The following CACNG4 variants were observed in gnomAD, a reference collection of about 807,000 sequenced individuals.
CACNG4 encodes the protein calcium voltage-gated channel auxiliary subunit gamma 4, also known as voltage-dependent calcium channel gamma-4 subunit.
A neutral mutation model predicts 22.9 loss-of-function variants in CACNG4; 8 were observed. That is an observed-to-expected ratio of 0.35 (90% CI 0.21 to 0.63). The LOEUF is 0.63. CACNG4 is among the 30% of genes least tolerant of loss of function. The pLI is 0.72. For synonymous variants in CACNG4, 188 were observed against 191.9 expected (o/e 0.98, Z 0.17); for missense variants, 357 against 455.4 (o/e 0.78, Z 1.97).
intron 1 of CACNG4, among the ~76,000 whole-genome samples, chr17:66,966,961 T>C (rs182960663): frequency 4.6e-5 from 7 of 152,310 alleles, no homozygotes; most frequent in Non-Finnish European, 1.0e-4. Flanking sequence ...CAATGCCCCA[T>C]ATTCCACCTC....
chr17:67,030,284 T>G lies in CACNG4; in HGVS notation c.446-182T>G, dbSNP rs1240391281. ...GTTTTATTGTATACCTCATTTGAAC[T>G]TTGTACTCTATTACCCATTCAACAT... On this transcript the variant is annotated intron_variant, in intron 3 of 3. Transcript: ENST00000262138. The surrounding 1 kb of genome is among the most constrained non-coding windows in gnomAD (Gnocchi z 6.4). 6.6e-6 allele frequency among the ~76,000 whole-genome samples: 1 copy of G among 152,274 alleles called. No individual in the cohort carries two copies. The highest frequency in any genetic ancestry group is 1.9e-4 in the East Asian group (1 of 5,188).
chr17:67,023,270 C>CTTTTTT lies in CACNG4; in HGVS notation c.305-1572_305-1567dup, dbSNP rs3043068. On this transcript the variant is annotated intron_variant, in intron 2 of 3. Coordinates refer to ENST00000262138, the MANE Select transcript of CACNG4 (RefSeq NM_014405.4). ...CTGAGTCACATCTGCAAGACCTCTT[C>CTTTTTT]TTTTTTTTTTTTTTTTTTTTTTTGA... Among the ~76,000 whole-genome samples the CTTTTTT allele has an allele frequency of 2.8e-3, 223 of 79,760 alleles. 4 individuals carry two copies. The highest frequency in any genetic ancestry group is 5.4e-3 in the East Asian group (13 of 2,422). 52.3% of individuals were successfully genotyped at this position (79,760 alleles called of 152,430 possible). A position where few individuals can be genotyped will look rare whatever the true frequency, so the allele number is the denominator to read the frequency against.
chr17:66,972,389 G>A (rs1406993786), intron 1 of CACNG4, among the ~76,000 whole-genome samples: 1 of 152,184 alleles, frequency 6.6e-6, no homozygotes, highest in East Asian at 1.9e-4. Context: ...TGTCCTCTGT[G>A]CTGTAGGTGT....
At chr17:66,996,634 G>A (rs2035377136) in intron 1 of CACNG4, among the ~76,000 whole-genome samples, 1 of 152,134 alleles carries the variant, frequency 6.6e-6, no homozygotes, top group Non-Finnish European at 1.5e-5. Context: ...GCCTGCCTCG[G>A]CCTCCCAAAG....
intron 1 of CACNG4, among the ~76,000 whole-genome samples, chr17:66,980,352 A>T (rs1294472264): frequency 6.6e-6 from 1 of 152,222 alleles, no homozygotes; most frequent in East Asian, 1.9e-4. Flanking sequence ...TCACATGTGT[A>T]AACCTAAGTA....
chr17:67,024,683 A>G (rs775286029), intron 2 of CACNG4, among the ~76,000 whole-genome samples, 177 bp from the exon 3 acceptor site: 3 of 152,170 alleles, frequency 2.0e-5, no homozygotes, highest in Non-Finnish European at 4.4e-5. Context: ...ATCTGATCCA[A>G]TGGCCCTGAG....
intron 1 of CACNG4, among the ~76,000 whole-genome samples, chr17:66,977,363 C>T (rs2035244222): frequency 6.6e-6 from 1 of 152,136 alleles, no homozygotes; most frequent in Admixed American, 6.5e-5. Flanking sequence ...CCAGGAGCTT[C>T]GTGCGCAGAA....
intron 1 of CACNG4, among the ~76,000 whole-genome samples, chr17:66,980,793 A>G (rs4790999): frequency 0.1 from 15,625 of 151,384 alleles, 1,274 homozygotes; most frequent in African/African-American, 0.22. Context: ...TAATGTTTGT[A>G]TTTTCAGTAG....
chr17:67,021,950 C>T (rs889666554), intron 2 of CACNG4, among the ~76,000 whole-genome samples: 1 of 152,222 alleles, frequency 6.6e-6, no homozygotes, highest in African/African-American at 2.4e-5. Flanking sequence ...TCCCAGCTGG[C>T]ATCTGCACAT....
rs190821979 is a variant in CACNG4 at position 66,970,209 on chromosome 17, C to T, written c.220+5078C>T. Among the ~76,000 whole-genome samples, 12 of 152,320 alleles carry T rather than the reference C, an allele frequency of 7.9e-5. 1 individual carries two copies. The South Asian group carries it at 1.5e-3, about 18-fold the overall frequency. On this transcript the variant is annotated intron_variant, in intron 1 of 3. Transcript: ENST00000262138. ...GTATTGCATCTCACTCCCCGGATCA[C>T]GGCCAAGGTGGAACATAGGAGCTCT...
At chr17:67,004,525 T>G (rs927505754) in intron 1 of CACNG4, among the ~76,000 whole-genome samples, 4 of 152,046 alleles carry the variant, frequency 2.6e-5, no homozygotes, top group Non-Finnish European at 4.4e-5. Context: ...AGCCCTGTGG[T>G]CTCCAGGGAA....
chr17:66,988,561 G>A (rs12449592), intron 1 of CACNG4, among the ~76,000 whole-genome samples: 3,259 of 151,708 alleles, frequency 0.021, 46 homozygotes, highest in Middle Eastern at 0.065. Context: ...CCCTCGCCTC[G>A]CCTCACCTCA....
intron 1 of CACNG4, among the ~76,000 whole-genome samples, chr17:67,015,595 A>G (rs1443021316): frequency 6.6e-6 from 1 of 152,162 alleles, no homozygotes; most frequent in Non-Finnish European, 1.5e-5. Flanking sequence ...TTTCAAGACA[A>G]GTGTAATTTT....
At chr17:66,994,113 T>G (rs2035358985) in intron 1 of CACNG4, among the ~76,000 whole-genome samples, 1 of 152,042 alleles carries the variant, frequency 6.6e-6, no homozygotes, top group African/African-American at 2.4e-5. Flanking sequence ...AGAGCTTTAC[T>G]TGAAGCCACA....
rs1018038851 is a variant in CACNG4 at position 67,031,984 on chromosome 17, A to T, written c.*980A>T. 4 of 456,324 alleles carry T rather than the reference A, an allele frequency of 8.8e-6. No homozygotes were observed. The highest frequency in any genetic ancestry group is 1.8e-5 in the Non-Finnish European group (4 of 226,898). 28.3% of individuals were successfully genotyped at this position (456,324 alleles called of 1,614,324 possible). ...TAAGGGTGAACAGTGGCCAATAAAAACCCTAGAGAACAAACATCCATTTCC... is the reference window on the plus strand; with the variant it reads ...TAAGGGTGAACAGTGGCCAATAAAATCCCTAGAGAACAAACATCCATTTCC... On this transcript the variant is annotated 3_prime_UTR_variant, in exon 4 of 4. Coordinates refer to ENST00000262138, the MANE Select transcript of CACNG4 (RefSeq NM_014405.4). The surrounding 1 kb of genome is among the most constrained non-coding windows in gnomAD (Gnocchi z 4.0).
intron 1 of CACNG4, among the ~76,000 whole-genome samples, chr17:66,966,024 T>C (rs2035168726): frequency 1.3e-5 from 2 of 152,266 alleles, no homozygotes; most frequent in South Asian, 4.2e-4. Flanking sequence ...AGCTGGGCGC[T>C]GCGACCCCCA....
At chr17:67,004,349 C>T (rs573921064) in intron 1 of CACNG4, among the ~76,000 whole-genome samples, 1 of 152,278 alleles carries the variant, frequency 6.6e-6, no homozygotes, top group East Asian at 1.9e-4. Context: ...TCCTGGCCCT[C>T]TCTGGAACAA....
intron 1 of CACNG4, among the ~76,000 whole-genome samples, chr17:66,994,243 C>T (rs1384367911): frequency 6.7e-6 from 1 of 149,742 alleles, no homozygotes; most frequent in Non-Finnish European, 1.5e-5. Context: ...GAGAGGATTG[C>T]TTGAGCCCAG....
intron 1 of CACNG4, among the ~76,000 whole-genome samples, chr17:66,973,099 T>C (rs1458427370): frequency 6.6e-6 from 1 of 151,804 alleles, no homozygotes; most frequent in African/African-American, 2.4e-5. Flanking sequence ...ATACAAAAGT[T>C]AGCCAGAATG....
Sources: gnomAD v4.1 joint callset for allele counts (sites outside exome capture counted in the v4.1 genomes callset) on GRCh38, gnomAD v4.1.1 for gene constraint, Gnocchi (gnomAD v3.1) non-coding constraint, MANE v1.5 for transcripts, NCBI Gene and HGNC (gene_info 2026-07-23, HGNC 2026-07-21) for gene names.